The following CNTN5 variants were observed in gnomAD, a reference collection of about 807,000 sequenced individuals.
CNTN5 encodes the protein contactin 5.
A neutral mutation model predicts 129.1 loss-of-function variants in CNTN5; 77 were observed. The observed-to-expected ratio is 0.60, with a 90% confidence interval of 0.50 to 0.72. The LOEUF (loss-of-function observed/expected upper bound fraction) is 0.72, where lower values mean the gene tolerates loss of function less well. Among genes scored for constraint, CNTN5 ranks in the 30% least tolerant of loss-of-function variants. CNTN5 has a pLI of 0.00. For missense variants in CNTN5, 1,478 were observed against 1,328.8 expected, an observed-to-expected ratio of 1.11 and a Z score of -1.75; for synonymous variants, 509 against 465.6, an observed-to-expected ratio of 1.09 and a Z score of -1.20.
intron 12 of CNTN5, among the ~76,000 whole-genome samples, chr11:100,072,273 G>A (rs1343940529): frequency 6.6e-6 from 1 of 152,132 alleles, no homozygotes; most frequent in African/African-American, 2.4e-5. Context: ...CAAGACTCCA[G>A]GCTAAATCAC....
chr11:100,191,576 T>C (rs974911030), intron 14 of CNTN5, among the ~76,000 whole-genome samples: 1 of 152,064 alleles, frequency 6.6e-6, no homozygotes, highest in Non-Finnish European at 1.5e-5. Context: ...ATTTTTCCTC[T>C]ACCAAGAATA....
At chr11:99,442,273 G>T (rs11219929) in intron 2 of CNTN5, among the ~76,000 whole-genome samples, 3 of 152,046 alleles carry the variant, frequency 2.0e-5, no homozygotes, top group Non-Finnish European at 4.4e-5. Context: ...GGGTTCTAGC[G>T]ATTCTCCCTC....
At chr11:99,081,102 A>C (rs1865777564) in intron 1 of CNTN5, among the ~76,000 whole-genome samples, 1 of 152,016 alleles carries the variant, frequency 6.6e-6, no homozygotes, top group African/African-American at 2.4e-5. Flanking sequence ...TATAAATATA[A>C]GTTCATGGAA....
At chr11:99,254,774 A>G (rs1180214350) in intron 1 of CNTN5, among the ~76,000 whole-genome samples, 1 of 152,108 alleles carries the variant, frequency 6.6e-6, no homozygotes, top group South Asian at 2.1e-4. Flanking sequence ...TATTGTGGTC[A>G]TTGAATATTA....
At chr11:99,565,238 C>T (rs1451880082) in intron 3 of CNTN5, among the ~76,000 whole-genome samples, 1 of 152,124 alleles carries the variant, frequency 6.6e-6, no homozygotes, top group African/African-American at 2.4e-5. Context: ...TCTCTCCTCC[C>T]AAGGGCACTT....
chr11:99,528,953 T>C (rs1181862156), intron 2 of CNTN5, among the ~76,000 whole-genome samples: 3 of 84,440 alleles, frequency 3.6e-5, no homozygotes, highest in Admixed American at 3.1e-4. Context: ...TAATACCAGC[T>C]AATACCAGCT....
chr11:99,864,272 GAT>G (rs1317894068), intron 6 of CNTN5, among the ~76,000 whole-genome samples: 1 of 151,888 alleles, frequency 6.6e-6, no homozygotes, highest in African/African-American at 2.4e-5. Flanking sequence ...GAATGAAAGA[GAT>G]ACTATCCTGT....
chr11:100,341,539 G>A (rs1167631161), intron 23 of CNTN5, among the ~76,000 whole-genome samples: 1 of 152,148 alleles, frequency 6.6e-6, no homozygotes, highest in African/African-American at 2.4e-5. Context: ...TAACTTTGCT[G>A]GCAGCTGACA....
At chr11:99,940,438 C>A (rs372319341) in intron 7 of CNTN5, among the ~76,000 whole-genome samples, 12 of 152,054 alleles carry the variant, frequency 7.9e-5, no homozygotes, top group Admixed American at 3.9e-4. Flanking sequence ...TATAGTATTT[C>A]AAAGTTATTA....
At chr11:99,999,160 T>C (rs1040990191) in intron 8 of CNTN5, among the ~76,000 whole-genome samples, 2 of 151,720 alleles carry the variant, frequency 1.3e-5, no homozygotes, top group African/African-American at 4.8e-5. Context: ...ACAAATGGGA[T>C]CTAATTAAAC....
chr11:99,673,466 T>A (rs671478), intron 3 of CNTN5, among the ~76,000 whole-genome samples: 3 of 152,076 alleles, frequency 2.0e-5, no homozygotes, highest in African/African-American at 7.3e-5. Context: ...TTCAGGGATA[T>A]GTGTGCAGGA....
chr11:99,790,325 C>G (rs746646769), intron 3 of CNTN5, among the ~76,000 whole-genome samples: 12 of 152,038 alleles, frequency 7.9e-5, no homozygotes, highest in East Asian at 1.9e-4. Flanking sequence ...TCACCCTTCT[C>G]TCTCCTTCCA....
At chr11:99,075,425 T>C (rs1392270394) in intron 1 of CNTN5, among the ~76,000 whole-genome samples, 2 of 152,180 alleles carry the variant, frequency 1.3e-5, no homozygotes, top group African/African-American at 4.8e-5. Flanking sequence ...TTTAGATCTG[T>C]CTTAAGTAAA....
At chr11:99,063,215 T>A (rs1207793987) in intron 1 of CNTN5, among the ~76,000 whole-genome samples, 1 of 152,060 alleles carries the variant, frequency 6.6e-6, no homozygotes, top group Non-Finnish European at 1.5e-5. Context: ...ACTATTTATT[T>A]AATAATGGGA....
intron 2 of CNTN5, among the ~76,000 whole-genome samples, chr11:99,384,693 A>G (rs1365702513): frequency 2.0e-5 from 3 of 152,154 alleles, no homozygotes; most frequent in Non-Finnish European, 4.4e-5. Flanking sequence ...TCTTAAAGAA[A>G]CCTGATTAAA....
intron 18 of CNTN5, among the ~76,000 whole-genome samples, chr11:100,291,613 A>T (rs1950973955): frequency 6.6e-6 from 1 of 151,418 alleles, no homozygotes; most frequent in East Asian, 1.9e-4. Context: ...TGTGGTGGGG[A>T]AGGGGGAGGG....
intron 2 of CNTN5, among the ~76,000 whole-genome samples, chr11:99,377,607 T>C (rs1420545907): frequency 2.0e-5 from 3 of 152,146 alleles, no homozygotes; most frequent in African/African-American, 7.2e-5. Flanking sequence ...AAACAATCGC[T>C]GATATTGACA....
intron 1 of CNTN5, among the ~76,000 whole-genome samples, chr11:99,299,326 T>C (rs1311482999): frequency 6.6e-6 from 1 of 151,814 alleles, no homozygotes; most frequent in East Asian, 1.9e-4. Context: ...TCTCAACAAA[T>C]AGAGAATAAT....
chr11:100,346,597 G>C (rs1952287150), intron 23 of CNTN5, among the ~76,000 whole-genome samples: 1 of 151,974 alleles, frequency 6.6e-6, no homozygotes, highest in Non-Finnish European at 1.5e-5. Context: ...TATAATCCAA[G>C]CAAAAACTAT....
Sources: gnomAD v4.1 joint callset for allele counts (sites outside exome capture counted in the v4.1 genomes callset) on GRCh38, gnomAD v4.1.1 for gene constraint, MANE v1.5 for transcripts, NCBI Gene and HGNC (gene_info 2026-07-23, HGNC 2026-07-21) for gene names.